Variants in LPAR3 observed in about 807,000 individuals in gnomAD.
LPAR3 encodes the protein LPA receptor 3.
Under a neutral mutation model 17.8 loss-of-function variants are expected in LPAR3, and 7 were observed. The observed-to-expected ratio is 0.39, with a 90% confidence interval of 0.22 to 0.74. The LOEUF is 0.74. LPAR3 is among the 30% of genes least tolerant of loss of function. The pLI, the probability that LPAR3 is intolerant of heterozygous loss-of-function variation, is 0.40. For missense variants in LPAR3, 391 were observed against 453.4 expected, an observed-to-expected ratio of 0.86 and a Z score of 1.25; for synonymous variants, 179 against 179.9, an observed-to-expected ratio of 0.99 and a Z score of 0.04.
intron 2 of LPAR3, among the ~76,000 whole-genome samples, chr1:84,817,294 CCT>C (rs1658955019): frequency 6.6e-6 from 1 of 151,376 alleles, no homozygotes; most frequent in African/African-American, 2.4e-5. Context: ...CACACACACC[CCT>C]CACTTTTAAG....
At chr1:84,862,412 C>T (rs956670081) in intron 2 of LPAR3, among the ~76,000 whole-genome samples, 4 of 152,212 alleles carry the variant, frequency 2.6e-5, no homozygotes, top group African/African-American at 7.2e-5. Flanking sequence ...AGGCCAGCTG[C>T]GCAGTGAGTC....
chr1:84,838,160 A>T (rs1659440351), intron 2 of LPAR3, among the ~76,000 whole-genome samples: 1 of 152,140 alleles, frequency 6.6e-6, no homozygotes, highest in Non-Finnish European at 1.5e-5. Flanking sequence ...GGGGACAAGC[A>T]GGGGATCCTT....
intron 2 of LPAR3, among the ~76,000 whole-genome samples, chr1:84,819,241 C>A (rs1223750863): frequency 6.6e-6 from 1 of 152,172 alleles, no homozygotes; most frequent in Non-Finnish European, 1.5e-5. Flanking sequence ...AACACAGTAA[C>A]CCTCTCTTGA....
intron 1 of LPAR3, 131 bp from the exon 2 acceptor site, chr1:84,866,269 G>C: frequency 1.5e-6 from 1 of 667,326 alleles, no homozygotes; most frequent in Admixed American, 2.9e-5. Flanking sequence ...TCAGGTCTCA[G>C]TGCAAATGTC....
At chr1:84,871,374 T>C (rs1355293726) in intron 1 of LPAR3, among the ~76,000 whole-genome samples, 1 of 152,238 alleles carries the variant, frequency 6.6e-6, no homozygotes, top group Non-Finnish European at 1.5e-5. Flanking sequence ...GAAACAATTA[T>C]GAGAATTAAG....
intron 2 of LPAR3, among the ~76,000 whole-genome samples, chr1:84,833,805 G>A (rs1659340085): frequency 1.3e-5 from 2 of 152,176 alleles, no homozygotes; most frequent in Admixed American, 6.5e-5. Context: ...AAAGTGTCCA[G>A]AACAGTGCTT....
At chr1:84,879,666 A>G (rs1660326679) in intron 1 of LPAR3, among the ~76,000 whole-genome samples, 1 of 152,180 alleles carries the variant, frequency 6.6e-6, no homozygotes, top group African/African-American at 2.4e-5. Context: ...CAGGACGCCC[A>G]ACTGTACACT....
intron 2 of LPAR3, among the ~76,000 whole-genome samples, chr1:84,827,921 C>T (rs1659193803): frequency 6.6e-6 from 1 of 152,106 alleles, no homozygotes; most frequent in South Asian, 2.1e-4. Context: ...AGAATTCATT[C>T]TTTCTCATGA....
chr1:84,875,672 T>A (rs1660243021), intron 1 of LPAR3, among the ~76,000 whole-genome samples: 1 of 152,360 alleles, frequency 6.6e-6, no homozygotes, highest in East Asian at 1.9e-4. Context: ...TTTTATAGCA[T>A]CAGAAAATGA....
intron 1 of LPAR3, among the ~76,000 whole-genome samples, chr1:84,878,916 A>G (rs1002218490): frequency 1.3e-5 from 2 of 152,150 alleles, no homozygotes; most frequent in African/African-American, 4.8e-5. Context: ...AGTCCTGACT[A>G]CTATAGTGTT....
At chr1:84,819,988 T>G (rs1395343944) in intron 2 of LPAR3, among the ~76,000 whole-genome samples, 1 of 152,200 alleles carries the variant, frequency 6.6e-6, no homozygotes, top group Non-Finnish European at 1.5e-5. Context: ...TCCTGAGAAC[T>G]CTGGGTCAGG....
intron 1 of LPAR3, among the ~76,000 whole-genome samples, chr1:84,879,329 T>TTTTTTTTTTTG: frequency 6.7e-6 from 1 of 149,148 alleles, no homozygotes; most frequent in African/African-American, 2.5e-5. Flanking sequence ...TTTTTTTTTT[T>TTTTTTTTTTTG]GAGATGGAAT....
At chr1:84,867,239 A>G (rs1200441741) in intron 1 of LPAR3, among the ~76,000 whole-genome samples, 8 of 152,242 alleles carry the variant, frequency 5.3e-5, no homozygotes, top group African/African-American at 1.9e-4. Context: ...TCTGCCTCAC[A>G]GTGGTCTGGC....
intron 2 of LPAR3, among the ~76,000 whole-genome samples, chr1:84,816,120 G>A (rs1322432511): frequency 6.6e-6 from 1 of 152,172 alleles, no homozygotes; most frequent in Non-Finnish European, 1.5e-5. Context: ...TTGTTAGTGG[G>A]TGTGCAATCA....
At chr1:84,852,548 G>A (rs1659739258) in intron 2 of LPAR3, among the ~76,000 whole-genome samples, 1 of 152,154 alleles carries the variant, frequency 6.6e-6, no homozygotes. Context: ...GGTGCCTCCA[G>A]GACATCCAGG....
At chr1:84,827,479 C>T (rs1353202077) in intron 2 of LPAR3, among the ~76,000 whole-genome samples, 2 of 151,092 alleles carry the variant, frequency 1.3e-5, no homozygotes, top group Admixed American at 6.6e-5. Context: ...GAAGCATACC[C>T]TCCCTTCCTT....
At chr1:84,892,262 A>AAATAAATAAAT (rs1414259362) in intron 1 of LPAR3, among the ~76,000 whole-genome samples, 4 of 110,238 alleles carry the variant, frequency 3.6e-5, no homozygotes, top group Admixed American at 8.5e-5. Flanking sequence ...AATAAATAAA[A>AAATAAATAAAT]ACTAACCTAC....
chr1:84,841,481 GT>G (rs765145348), intron 2 of LPAR3, among the ~76,000 whole-genome samples: 37 of 152,266 alleles, frequency 2.4e-4, no homozygotes, highest in Non-Finnish European at 2.5e-4. Context: ...GTTCCTGTCA[GT>G]CTCCAAGCTT....
intron 1 of LPAR3, among the ~76,000 whole-genome samples, chr1:84,882,777 C>T (rs770855108): frequency 5.3e-5 from 8 of 152,178 alleles, no homozygotes; most frequent in Admixed American, 2.0e-4. Context: ...TGTAACAAAC[C>T]TGCACGTTGT....
Sources: allele counts gnomAD v4.1 joint callset (sites outside exome capture counted in the v4.1 genomes callset), GRCh38; gene constraint gnomAD v4.1.1; transcripts MANE v1.5; gene names NCBI Gene and HGNC (gene_info 2026-07-23, HGNC 2026-07-21).